The following ABCB7 variants were observed in gnomAD, a reference collection of about 807,000 sequenced individuals.
The protein encoded by ABCB7 is iron-sulfur clusters transporter ABCB7, mitochondrial.
ABCB7 carries 7 observed loss-of-function variants against 54.4 expected under a neutral mutation model. The observed-to-expected ratio is 0.13, with a 90% CI of 0.07 to 0.24. The LOEUF (loss-of-function observed/expected upper bound fraction) is 0.24. ABCB7 is among the 10% of genes least tolerant of loss of function. The pLI is 1.00. For synonymous variants in ABCB7, 218 were observed against 207.1 expected, an observed-to-expected ratio of 1.05 and a Z score of -0.45; for missense variants, 356 against 570.4, an observed-to-expected ratio of 0.62 and a Z score of 3.83.
chrX:75,117,713 T>TA, intron 1 of ABCB7, among the ~76,000 whole-genome samples: 1 of 111,534 alleles, frequency 9.0e-6, no homozygotes, highest in East Asian at 2.8e-4. Flanking sequence ...GACCATGGGA[T>TA]ATGGGGACTT....
intron 1 of ABCB7, among the ~76,000 whole-genome samples, chrX:75,135,095 A>C (rs753209225): frequency 1.4e-4 from 15 of 110,397 alleles, no homozygotes; most frequent in African/African-American, 4.9e-4. Context: ...TAAAGAAAAA[A>C]GGGAGAAGAT....
chrX:75,140,399 T>C (rs959176822), intron 1 of ABCB7, among the ~76,000 whole-genome samples: 2 of 111,131 alleles, frequency 1.8e-5, no homozygotes, highest in African/African-American at 6.6e-5. Flanking sequence ...ACCCTGTTTC[T>C]AATAAAGGAA....
At chrX:75,130,974 A>G (rs12010010) in intron 1 of ABCB7, among the ~76,000 whole-genome samples, 3,154 of 110,660 alleles carry the variant, frequency 0.029, 117 homozygotes, top group African/African-American at 0.099. Context: ...AAAATATTTC[A>G]TACTGAAAGA....
chrX:75,146,621 C>T (rs1476737267), intron 1 of ABCB7, among the ~76,000 whole-genome samples: 6 of 111,186 alleles, frequency 5.4e-5, no homozygotes, highest in African/African-American at 2.0e-4. Flanking sequence ...AGCCACAGGC[C>T]GAAGATTGAA....
chrX:75,094,019 CAT>C (rs199523853), intron 4 of ABCB7, among the ~76,000 whole-genome samples: 51 of 46,000 alleles, frequency 1.1e-3, no homozygotes, highest in African/African-American at 4.3e-3. Flanking sequence ...CTGTTATATA[CAT>C]ATATATATAT....
At chrX:75,098,849 A>C in intron 4 of ABCB7, 93 bp downstream of exon 4, 1 of 1,141,545 alleles carries the variant, frequency 8.8e-7, no homozygotes, top group Non-Finnish European at 1.2e-6. Flanking sequence ...TGGTCATGCT[A>C]CCCCAAAAGT....
intron 3 of ABCB7, among the ~76,000 whole-genome samples, chrX:75,106,508 G>C (rs934483661): frequency 1.8e-5 from 2 of 111,986 alleles, no homozygotes; most frequent in African/African-American, 6.5e-5. Context: ...ATGTTGGTGA[G>C]GAGGTAGAGA....
intron 3 of ABCB7, among the ~76,000 whole-genome samples, chrX:75,107,311 C>G (rs975282865): frequency 9.0e-6 from 1 of 111,158 alleles, no homozygotes; most frequent in Non-Finnish European, 1.9e-5. Context: ...GCCCTAGTAC[C>G]GAACTGGGCC....
At chrX:75,108,962 C>T (rs961991587) in intron 3 of ABCB7, among the ~76,000 whole-genome samples, 3 of 111,838 alleles carry the variant, frequency 2.7e-5, no homozygotes, top group Admixed American at 9.5e-5. Context: ...TAACATACAG[C>T]TTCATAAGCT....
Position 75,099,053 on chromosome X carries a change from A to G in ABCB7, c.342T>C (p.Asp114=), listed in dbSNP as rs1351735336. 8.3e-7 allele frequency: 1 copy of G among 1,209,579 alleles called. No homozygotes were observed. The highest frequency in any genetic ancestry group is 1.8e-5 in the South Asian group (1 of 56,932). The change falls in exon 4 of 16, where the codon GAT becomes GAC. Residue 114 remains aspartate (D), a synonymous_variant. Coordinates refer to ENST00000373394, the MANE Select transcript of ABCB7 (RefSeq NM_001271696.3). The stretch of plus-strand genomic sequence containing the variant: ...CTTTTATGATTTTCCGAGTATCAAC[A>G]TCTTTTAACTATTGAAAGAGAGAAA... ...LHTDPKEGLK[D]VDTRKIIKAM...
intron 5 of ABCB7, 132 bp from the exon 6 acceptor site, chrX:75,075,762 A>T (rs1048024067): frequency 1.5e-6 from 1 of 659,136 alleles, no homozygotes; most frequent in African/African-American, 2.2e-5. Context: ...GAATATTTAC[A>T]ATAAAAGAAA....
At chrX:75,070,268 G>T in intron 10 of ABCB7, 97 bp downstream of exon 10, 1 of 897,953 alleles carries the variant, frequency 1.1e-6, no homozygotes, top group Non-Finnish European at 1.6e-6. Flanking sequence ...AAATAAATTG[G>T]TTTGCTAATG....
intron 13 of ABCB7, among the ~76,000 whole-genome samples, chrX:75,064,700 G>A (rs949593212): frequency 1.2e-4 from 13 of 111,072 alleles, no homozygotes; most frequent in African/African-American, 3.9e-4. Flanking sequence ...TACACTATTC[G>A]TTATCAAATT....
intron 4 of ABCB7, among the ~76,000 whole-genome samples, chrX:75,086,831 G>A (rs760348066): frequency 7.2e-5 from 8 of 111,474 alleles, no homozygotes; most frequent in African/African-American, 2.6e-4. Flanking sequence ...AAAGAAACCA[G>A]CCAAAACCAG....
intron 4 of ABCB7, among the ~76,000 whole-genome samples, chrX:75,083,759 G>A (rs1353749298): frequency 6.4e-5 from 7 of 109,781 alleles, no homozygotes. Flanking sequence ...ACTGGTGAAT[G>A]CAGAAACACA....
intron 1 of ABCB7, among the ~76,000 whole-genome samples, chrX:75,119,377 T>A (rs1358277791): frequency 8.9e-6 from 1 of 112,358 alleles, no homozygotes; most frequent in Non-Finnish European, 1.9e-5. Context: ...GTGTGTGACA[T>A]ACTGGCTAAA....
chrX:75,056,869 C>T (rs2081244762), intron 15 of ABCB7, among the ~76,000 whole-genome samples: 1 of 111,706 alleles, frequency 9.0e-6, no homozygotes, highest in Admixed American at 9.5e-5. Context: ...CCCCACACTA[C>T]TACCAACAAT....
chrX:75,095,098 T>C (rs1260740593), intron 4 of ABCB7, among the ~76,000 whole-genome samples: 1 of 110,433 alleles, frequency 9.1e-6, no homozygotes, highest in African/African-American at 3.3e-5. Context: ...AAGCAGAAGG[T>C]ATGCTATGTT....
At chrX:75,059,249 G>T (rs1309800323) in intron 15 of ABCB7, among the ~76,000 whole-genome samples, 1 of 110,514 alleles carries the variant, frequency 9.0e-6, no homozygotes, top group East Asian at 2.8e-4. Context: ...AGTCTAAGGT[G>T]GGCGGATCAC....
Sources: gnomAD v4.1 joint callset for allele counts (sites outside exome capture counted in the v4.1 genomes callset) on GRCh38, gnomAD v4.1.1 for gene constraint, MANE v1.5 for transcripts, NCBI Gene and HGNC (gene_info 2026-07-23, HGNC 2026-07-21) for gene names.